Variants in FBN1 observed in about 807,000 individuals in gnomAD.
The protein encoded by FBN1 is fibrillin 1.
A neutral mutation model predicts 365.1 loss-of-function variants in FBN1; 29 were observed. The ratio of observed to expected loss-of-function variants is 0.08; its 90% CI spans 0.06 to 0.11. The LOEUF is 0.11. Among genes scored for constraint, FBN1 ranks in the 10% least tolerant of loss-of-function variants. FBN1 has a pLI of 1.00. For missense variants in FBN1, 2,476 were observed against 3,703.2 expected, an observed-to-expected ratio of 0.67 and a Z score of 8.60; for synonymous variants, 1,210 against 1,270.5, an observed-to-expected ratio of 0.95 and a Z score of 1.01.
At chr15:48,517,948 A>G (rs1353672890) in intron 10 of FBN1, among the ~76,000 whole-genome samples, 1 of 152,186 alleles carries the variant, frequency 6.6e-6, no homozygotes, top group Non-Finnish European at 1.5e-5. Context: ...CATTCTGCCA[A>G]TTTACATGAG....
At chr15:48,503,648 G>A in intron 17 of FBN1, 139 bp downstream of exon 17, 2 of 1,020,584 alleles carry the variant, frequency 2.0e-6, no homozygotes, top group South Asian at 2.7e-5. Context: ...ACACTGGCTG[G>A]CCTCTGCCAA....
At chr15:48,547,800 A>C (rs1282452103) in intron 6 of FBN1, among the ~76,000 whole-genome samples, 1 of 148,594 alleles carries the variant, frequency 6.7e-6, no homozygotes, top group Non-Finnish European at 1.5e-5. Flanking sequence ...CTAACATACT[A>C]TCAAGGTGGC....
At position 48,424,397 on chromosome 15, in the gene FBN1, C is replaced by T. The variant is rs186780253; in HGVS notation, c.7453+972G>A. On this transcript the variant is annotated intron_variant, in intron 60 of 65. Transcript: ENST00000316623. ...CTCTCCACTTCTCTCCTCTCCTCTC[C>T]TCCAATCTGGATCCTCCGTGGGGAT... 2.0e-5 allele frequency among the ~76,000 whole-genome samples: 3 copies of T among 152,220 alleles called. No individual in the cohort carries two copies. The East Asian group carries it at 5.8e-4, about 29-fold the overall frequency.
At chr15:48,540,579 A>G (rs910909192) in intron 6 of FBN1, among the ~76,000 whole-genome samples, 4 of 152,216 alleles carry the variant, frequency 2.6e-5, no homozygotes, top group Non-Finnish European at 4.4e-5. Flanking sequence ...ATTATTACAC[A>G]TAGCATTCAG....
At chr15:48,453,918 G>C (rs187817616) in intron 44 of FBN1, among the ~76,000 whole-genome samples, 14 of 152,202 alleles carry the variant, frequency 9.2e-5, no homozygotes, top group Non-Finnish European at 1.6e-4. Flanking sequence ...TGCAAGGCTT[G>C]ATTTATGACC....
intron 13 of FBN1, among the ~76,000 whole-genome samples, chr15:48,512,644 C>T (rs7166460): frequency 4.6e-5 from 7 of 152,030 alleles, no homozygotes; most frequent in Admixed American, 6.6e-5. Flanking sequence ...GTCCCTGCAA[C>T]GGACATGATC....
chr15:48,420,221 C>CA (rs1566891236), intron 63 of FBN1, among the ~76,000 whole-genome samples: 2 of 152,008 alleles, frequency 1.3e-5, no homozygotes, highest in African/African-American at 2.4e-5. Flanking sequence ...ACAAAACACA[C>CA]AAAAAAACAC....
chr15:48,641,146 T>G (rs1008735657), intron 2 of FBN1: 1 of 152,142 alleles, frequency 6.6e-6, no homozygotes, highest in Non-Finnish European at 1.5e-5. Flanking sequence ...GCAGAGTAGA[T>G]GGGGACCACA....
intron 42 of FBN1, 25 bp from the exon 43 acceptor site, chr15:48,460,342 A>G: frequency 2.0e-6 from 3 of 1,495,354 alleles, no homozygotes; most frequent in Non-Finnish European, 2.8e-6. Context: ...CAAAGGTGGG[A>G]TGGGAGGATA....
chr15:48,575,326 T>C (rs983285685), intron 6 of FBN1, among the ~76,000 whole-genome samples: 4 of 97,420 alleles, frequency 4.1e-5, no homozygotes, highest in African/African-American at 8.0e-5. Context: ...TACATATGTA[T>C]GTATGTATGT....
chr15:48,435,692 A>ATGTG (rs1421576368), intron 53 of FBN1, among the ~76,000 whole-genome samples: 1 of 133,308 alleles, frequency 7.5e-6, no homozygotes. Flanking sequence ...GTGTGTGTGC[A>ATGTG]TGTGTGTGTG....
At chr15:48,496,035 T>C (rs548504663) in intron 20 of FBN1, 65 bp downstream of exon 20, 23 of 1,599,354 alleles carry the variant, frequency 1.4e-5, no homozygotes, top group South Asian at 8.8e-5. Context: ...TTCAGTCTTA[T>C]GGTTTTCTAA....
rs2141329701 is a variant in FBN1, at chr15:48,515,289, GT to G, written c.1468+97del. 6.5e-6 allele frequency: 9 copies of G among 1,392,692 alleles called. No individual in the cohort carries two copies. The South Asian group carries it at 7.1e-5, about 11-fold the overall frequency. 86.3% of individuals were successfully genotyped at this position (1,392,692 alleles called of 1,614,324 possible). A position where few individuals can be genotyped will look rare whatever the true frequency, so the allele number is the denominator to read the frequency against. On this transcript the variant is annotated intron_variant, in intron 12 of 65. Transcript: ENST00000316623. ...AATTTGTATTGTATTAAGCCACCAA[GT>G]TTGGGGTAAGTTGTTACAGCAGCAA...
chr15:48,442,461 C>A (rs1566897576), intron 49 of FBN1, among the ~76,000 whole-genome samples: 1 of 152,144 alleles, frequency 6.6e-6, no homozygotes, highest in Non-Finnish European at 1.5e-5. Context: ...TCTGAAGACA[C>A]AAAAATACCT....
At chr15:48,452,328 T>A (rs1045112136) in intron 45 of FBN1, among the ~76,000 whole-genome samples, 5 of 152,240 alleles carry the variant, frequency 3.3e-5, no homozygotes, top group Non-Finnish European at 7.3e-5. Flanking sequence ...TGTATGCGAA[T>A]GATTTACTTC....
At chr15:48,621,681 T>G (rs1189689306) in intron 2 of FBN1, among the ~76,000 whole-genome samples, 2 of 152,160 alleles carry the variant, frequency 1.3e-5, no homozygotes, top group Admixed American at 6.5e-5. Flanking sequence ...CTTTAATCAC[T>G]AACTACATAT....
intron 6 of FBN1, among the ~76,000 whole-genome samples, chr15:48,581,009 C>T (rs182876219): frequency 6.6e-6 from 1 of 152,290 alleles, no homozygotes; most frequent in Admixed American, 6.5e-5. Context: ...GTAACTGAGG[C>T]TGGGTGAGCT....
At chr15:48,617,229 C>T (rs1419851926) in intron 2 of FBN1, among the ~76,000 whole-genome samples, 1 of 151,818 alleles carries the variant, frequency 6.6e-6, no homozygotes, top group African/African-American at 2.4e-5. Context: ...GGCTGGAGTG[C>T]AACAGTGCGA....
chr15:48,474,751 A>G, intron 32 of FBN1, 101 bp from the exon 33 acceptor site: 1 of 1,462,470 alleles, frequency 6.8e-7, no homozygotes, highest in Non-Finnish European at 9.4e-7. Flanking sequence ...CAAACTTCCC[A>G]TGGTATAGTA....
Sources: allele counts gnomAD v4.1 joint callset (sites outside exome capture counted in the v4.1 genomes callset), GRCh38; gene constraint gnomAD v4.1.1; transcripts MANE v1.5; gene names NCBI Gene and HGNC (gene_info 2026-07-23, HGNC 2026-07-21).